The following IRAK3 variants were observed in gnomAD, a reference collection of about 807,000 sequenced individuals.
The protein encoded by IRAK3 is interleukin 1 receptor associated kinase 3, also known as interleukin-1 receptor-associated kinase 3.
In IRAK3, 57 loss-of-function variants were observed where a neutral mutation model predicts 56.6. The ratio of observed to expected loss-of-function variants is 1.01; its 90% confidence interval spans 0.81 to 1.26. The LOEUF is 1.26. Among genes scored for constraint, IRAK3 ranks in the 50% most tolerant of loss-of-function variants. The pLI is 0.00. For missense variants in IRAK3, 703 were observed against 719.0 expected, an observed-to-expected ratio of 0.98 and a Z score of 0.25; for synonymous variants, 258 against 255.7, an observed-to-expected ratio of 1.01 and a Z score of -0.09.
At chr12:66,214,050 C>A (rs1223294672) in intron 5 of IRAK3, among the ~76,000 whole-genome samples, 1 of 152,182 alleles carries the variant, frequency 6.6e-6, no homozygotes, top group East Asian at 1.9e-4. Context: ...GCATTTCATT[C>A]AGTGCAGCGG....
intron 6 of IRAK3, among the ~76,000 whole-genome samples, chr12:66,217,730 TCTGCAG>T (rs2052691582): frequency 6.6e-6 from 1 of 152,180 alleles, no homozygotes; most frequent in African/African-American, 2.4e-5. Flanking sequence ...CATATTCATA[TCTGCAG>T]CTGTGCAGCC....
At chr12:66,207,345 G>A (rs1034290337) in intron 2 of IRAK3, among the ~76,000 whole-genome samples, 23 of 152,048 alleles carry the variant, frequency 1.5e-4, no homozygotes, top group East Asian at 3.9e-4. Context: ...GGCAGCATGC[G>A]CCTGTAGTTG....
In IRAK3 at chr12:66,209,404, C is replaced by A. The variant is rs140604511; in HGVS notation, c.317-52C>A. On this transcript the variant is annotated intron_variant, in intron 2 of 11. Coordinates refer to ENST00000261233, the MANE Select transcript of IRAK3 (RefSeq NM_007199.3). Reference sequence around the variant, plus strand: ...TTTTCAGAGTCTCAGAAAGGAAAAACATTAGGGACATAAAATTTTTTTGTA... The same window carrying A: ...TTTTCAGAGTCTCAGAAAGGAAAAAAATTAGGGACATAAAATTTTTTTGTA... 4.9e-6 allele frequency: 5 copies of A among 1,027,908 alleles called. No homozygotes were observed. The East Asian group carries it at 9.5e-5, about 20-fold the overall frequency. 63.7% of individuals were successfully genotyped at this position (1,027,908 alleles called of 1,614,324 possible). A position where few individuals can be genotyped will look rare whatever the true frequency, so the allele number is the denominator to read the frequency against.
chr12:66,202,840 AG>A (rs1358366894), intron 1 of IRAK3, among the ~76,000 whole-genome samples: 1 of 151,866 alleles, frequency 6.6e-6, no homozygotes, highest in African/African-American at 2.4e-5. Context: ...AAAAAAAAAA[AG>A]AACACAAGAG....
chr12:66,221,736 T>G (rs1015739561), intron 6 of IRAK3, among the ~76,000 whole-genome samples: 9 of 152,192 alleles, frequency 5.9e-5, no homozygotes, highest in Non-Finnish European at 1.2e-4. Context: ...ATCCTATTAA[T>G]GTTCTGTTGA....
At chr12:66,197,301 C>A in intron 1 of IRAK3, 4 of 1,076,660 alleles carry the variant, frequency 3.7e-6, no homozygotes, top group Non-Finnish European at 4.5e-6. Context: ...TTGATATGTA[C>A]TGCGAGTAAA....
At chr12:66,190,266 AG>A (rs2052386645) in intron 1 of IRAK3, among the ~76,000 whole-genome samples, 1 of 152,132 alleles carries the variant, frequency 6.6e-6, no homozygotes, top group African/African-American at 2.4e-5. Context: ...CTAAGAGGAG[AG>A]TTTTCTTTGT....
chr12:66,237,989 G>C (rs963430650), intron 8 of IRAK3, among the ~76,000 whole-genome samples: 6 of 152,130 alleles, frequency 3.9e-5, no homozygotes, highest in South Asian at 2.1e-4. Context: ...ACAACATCAG[G>C]TGGGCTCCCT....
chr12:66,193,927 T>G (rs1346119388), intron 1 of IRAK3, among the ~76,000 whole-genome samples: 1 of 152,200 alleles, frequency 6.6e-6, no homozygotes, highest in Non-Finnish European at 1.5e-5. Context: ...GCTTTTTTTG[T>G]GTTGCTGTTG....
chr12:66,203,031 A>G (rs1161867192), intron 1 of IRAK3, among the ~76,000 whole-genome samples: 1 of 152,138 alleles, frequency 6.6e-6, no homozygotes, highest in African/African-American at 2.4e-5. Flanking sequence ...CAAACAGTTC[A>G]TGAAGGAAAA....
chr12:66,228,113 T>C, intron 7 of IRAK3, 139 bp from the exon 8 acceptor site: 1 of 756,580 alleles, frequency 1.3e-6, no homozygotes, highest in Admixed American at 1.8e-5. Context: ...AAAATAGGTT[T>C]TGGAAAACCA....
chr12:66,232,802 C>G (rs1310772793), intron 8 of IRAK3, among the ~76,000 whole-genome samples: 2 of 152,110 alleles, frequency 1.3e-5, no homozygotes, highest in African/African-American at 2.4e-5. Context: ...TATTGTACGG[C>G]TTTGATAATT....
intron 6 of IRAK3, among the ~76,000 whole-genome samples, chr12:66,220,849 T>C (rs878873146): frequency 3.3e-5 from 5 of 152,112 alleles, no homozygotes; most frequent in Admixed American, 3.3e-4. Flanking sequence ...CACTTACTGT[T>C]TTGGGTCTTT....
intron 1 of IRAK3, chr12:66,197,046 A>G: frequency 6.5e-7 from 1 of 1,527,454 alleles, no homozygotes; most frequent in Non-Finnish European, 8.7e-7. Flanking sequence ...AACTGAAAAC[A>G]GTCAGTCCTG....
intron 2 of IRAK3, among the ~76,000 whole-genome samples, chr12:66,209,105 A>G (rs1003820530): frequency 6.8e-6 from 1 of 147,886 alleles, no homozygotes; most frequent in South Asian, 2.1e-4. Context: ...AATTTTTTTT[A>G]AATTTTCTTC....
Position 66,252,523 on chromosome 12 carries a change from T to C in IRAK3, c.*4352T>C, listed in dbSNP as rs973393272. The C allele has an allele frequency of 6.6e-6, 1 of 152,244 alleles. No individual in the cohort carries two copies. The highest frequency in any genetic ancestry group is 2.1e-4 in the South Asian group (1 of 4,832). 9.4% of individuals were successfully genotyped at this position (152,244 alleles called of 1,614,324 possible). ...AGGCACCCACTGCAGTTACTTGATATGAGTTAAATGAATCCATCCATCCAA... is the reference window on the plus strand; with the variant it reads ...AGGCACCCACTGCAGTTACTTGATACGAGTTAAATGAATCCATCCATCCAA... On this transcript the variant is annotated 3_prime_UTR_variant, in exon 12 of 12. Transcript: ENST00000261233.
chr12:66,198,473 G>A (rs550177590), intron 1 of IRAK3, among the ~76,000 whole-genome samples: 9 of 152,038 alleles, frequency 5.9e-5, no homozygotes, highest in Non-Finnish European at 1.2e-4. Context: ...CTTACCCCAC[G>A]ACACGACACT....
Position 66,199,095 on chromosome 12 carries a change from C to T in IRAK3, c.134-4616C>T, listed in dbSNP as rs144251201. On this transcript the variant is annotated intron_variant, in intron 1 of 11. Transcript: ENST00000261233. Reference sequence around the variant, plus strand: ...CTAATAGAAAATGTGGAAACCTAAACTTTCCCTTTGCTGAAATTTGATATT... The same window carrying T: ...CTAATAGAAAATGTGGAAACCTAAATTTTCCCTTTGCTGAAATTTGATATT... 3.0e-4 allele frequency among the ~76,000 whole-genome samples: 46 copies of T among 152,314 alleles called. No homozygotes were observed. The South Asian group carries it at 5.4e-3, about 18-fold the overall frequency.
intron 1 of IRAK3, among the ~76,000 whole-genome samples, chr12:66,198,963 G>A (rs2052482000): frequency 6.6e-6 from 1 of 151,952 alleles, no homozygotes; most frequent in Non-Finnish European, 1.5e-5. Flanking sequence ...TTGCCATGTT[G>A]CCCAGACTGG....
Sources: allele counts gnomAD v4.1 joint callset (sites outside exome capture counted in the v4.1 genomes callset), GRCh38; gene constraint gnomAD v4.1.1; transcripts MANE v1.5; gene names NCBI Gene and HGNC (gene_info 2026-07-23, HGNC 2026-07-21).